The following COPZ1 variants were observed in gnomAD, a reference collection of about 807,000 sequenced individuals.
The protein encoded by COPZ1 is coatomer subunit zeta-1.
Under a neutral mutation model 31.7 loss-of-function variants are expected in COPZ1, and 4 were observed. The observed-to-expected ratio is 0.13, with a 90% CI of 0.06 to 0.29. The LOEUF (loss-of-function observed/expected upper bound fraction) is 0.29. Among genes scored for constraint, COPZ1 ranks in the 10% least tolerant of loss-of-function variants. The pLI, the probability that COPZ1 is intolerant of heterozygous loss-of-function variation, is 1.00. For missense variants in COPZ1, 156 were observed against 211.5 expected (o/e 0.74, Z 1.63); for synonymous variants, 74 against 79.0 (o/e 0.94, Z 0.33).
intron 1 of COPZ1, among the ~76,000 whole-genome samples, chr12:54,331,419 T>G (rs1187384618): frequency 2.0e-5 from 3 of 152,072 alleles, no homozygotes; most frequent in Non-Finnish European, 4.4e-5. Context: ...GACCTTGTGA[T>G]CCACATGCCT....
chr12:54,327,938 G>A (rs1953684096), intron 1 of COPZ1, among the ~76,000 whole-genome samples: 1 of 151,932 alleles, frequency 6.6e-6, no homozygotes, highest in South Asian at 2.1e-4. Flanking sequence ...TTAACAATGG[G>A]CCTGTGTGTA....
chr12:54,342,265 C>T lies in COPZ1; in HGVS notation c.147C>T (p.Phe49=). 6.2e-7 allele frequency: 1 copy of T among 1,613,922 alleles called. No homozygotes were observed. The highest frequency in any genetic ancestry group is 8.5e-7 in the Non-Finnish European group (1 of 1,179,806). ...AAAAGGCCTTTGAGAAGAACATTTT[C>T]AACAAGACCCATCGGACTGACAGTA... The part of the protein sequence containing the change: ...KEQKAFEKNI[F]NKTHRTDSEI... Residue 49 remains phenylalanine, a synonymous_variant, in exon 3 of 9, where the codon TTC becomes TTT. Coordinates refer to ENST00000262061, the MANE Select transcript of COPZ1 (RefSeq NM_016057.3).
At chr12:54,349,778 C>A in intron 8 of COPZ1, 120 bp downstream of exon 8, 1 of 879,462 alleles carries the variant, frequency 1.1e-6, no homozygotes, top group Non-Finnish European at 1.9e-6. Flanking sequence ...TCTTCCTTGG[C>A]TCCCTCTTAT....
intron 1 of COPZ1, chr12:54,340,276 C>T (rs959727555): frequency 2.0e-6 from 1 of 497,072 alleles, no homozygotes; most frequent in Non-Finnish European, 3.5e-6. Context: ...AACAGCATGA[C>T]CTCTCTTGAT....
chr12:54,329,866 G>A (rs566205405), intron 1 of COPZ1, among the ~76,000 whole-genome samples: 1 of 152,324 alleles, frequency 6.6e-6, no homozygotes, highest in African/African-American at 2.4e-5. Context: ...AAAGGTTGAT[G>A]TTGCTCCTTG....
intron 1 of COPZ1, among the ~76,000 whole-genome samples, chr12:54,337,669 T>C (rs1953897510): frequency 6.6e-6 from 1 of 152,202 alleles, no homozygotes; most frequent in Non-Finnish European, 1.5e-5. Flanking sequence ...GCTCCAGCTG[T>C]AGCAGAATGG....
At chr12:54,336,013 A>T (rs1380388978) in intron 1 of COPZ1, among the ~76,000 whole-genome samples, 4 of 152,130 alleles carry the variant, frequency 2.6e-5, no homozygotes, top group African/African-American at 9.6e-5. Context: ...AGCTCTGTAG[A>T]TGGCATCCTG....
chr12:54,342,505 G>C, intron 3 of COPZ1: 1 of 560,088 alleles, frequency 1.8e-6, no homozygotes, highest in Non-Finnish European at 3.2e-6. Context: ...TACCTGTCTA[G>C]TCCCTGGATT....
intron 1 of COPZ1, among the ~76,000 whole-genome samples, chr12:54,326,091 GATTA>G (rs1330004953): frequency 6.7e-6 from 1 of 148,456 alleles, no homozygotes; most frequent in African/African-American, 2.5e-5. Flanking sequence ...AAAGTGCTAG[GATTA>G]CAGGCTTGAA....
intron 1 of COPZ1, among the ~76,000 whole-genome samples, chr12:54,333,126 C>A (rs1953787253): frequency 6.6e-6 from 1 of 152,130 alleles, no homozygotes; most frequent in Non-Finnish European, 1.5e-5. Flanking sequence ...TCACTGCAAT[C>A]TCCATCTCCG....
chr12:54,332,172 AT>A (rs1358164264), intron 1 of COPZ1, among the ~76,000 whole-genome samples: 1 of 151,930 alleles, frequency 6.6e-6, no homozygotes, highest in African/African-American at 2.4e-5. Flanking sequence ...AAATACAAAA[AT>A]TAGCCGGTCA....
chr12:54,325,752 A>AT (rs1357793947), intron 1 of COPZ1: 1 of 145,992 alleles, frequency 6.8e-6, no homozygotes, highest in African/African-American at 2.6e-5. Context: ...ATTGTGGAAT[A>AT]TTTTTTCTAG....
intron 1 of COPZ1, among the ~76,000 whole-genome samples, chr12:54,326,883 G>A (rs557803786): frequency 2.1e-4 from 31 of 147,662 alleles, no homozygotes; most frequent in Non-Finnish European, 4.0e-4. Context: ...TCCTTATGTC[G>A]GTTGGTCAAA....
chr12:54,332,261 G>A (rs1333334582), intron 1 of COPZ1, among the ~76,000 whole-genome samples: 1 of 151,878 alleles, frequency 6.6e-6, no homozygotes, highest in Non-Finnish European at 1.5e-5. Context: ...GGCGGAGGTT[G>A]CAGTGAGCCA....
intron 1 of COPZ1, chr12:54,325,553 AT>A (rs1953615208): frequency 5.1e-6 from 1 of 196,814 alleles, no homozygotes; most frequent in Admixed American, 5.3e-5. Flanking sequence ...TAAGAAAAGA[AT>A]ACAGATGTTT....
intron 7 of COPZ1, among the ~76,000 whole-genome samples, chr12:54,349,014 G>C (rs913034852): frequency 2.6e-5 from 4 of 152,162 alleles, no homozygotes; most frequent in Non-Finnish European, 5.9e-5. Context: ...CCTCCACAGA[G>C]TGAAGGCTGA....
chr12:54,348,840 G>A (rs950854143), intron 7 of COPZ1, among the ~76,000 whole-genome samples: 2 of 152,138 alleles, frequency 1.3e-5, no homozygotes, highest in African/African-American at 4.8e-5. Flanking sequence ...AGTCCTCTTT[G>A]GTGCTGGTGA....
intron 1 of COPZ1, among the ~76,000 whole-genome samples, chr12:54,326,961 C>CTTTTTTTTTTTTTTTTTTTTTTTTTTTTT (rs60827109): frequency 4.6e-5 from 2 of 43,564 alleles, no homozygotes; most frequent in Non-Finnish European, 4.4e-5. Context: ...AACAAGTATT[C>CTTTTTTTTTTTTTTTTTTTTTTTTTTTTT]TTTTTTTTTT....
chr12:54,330,901 A>G lies in COPZ1; in HGVS notation c.18+5720A>G, dbSNP rs571167095. On this transcript the variant is annotated intron_variant, in intron 1 of 8. Transcript: ENST00000262061. ...AGTGCCCAGGGGACAGCTGATGAAGATGGATTCAGAGAATGAGTCCATGCA... is the reference window on the plus strand; with the variant it reads ...AGTGCCCAGGGGACAGCTGATGAAGGTGGATTCAGAGAATGAGTCCATGCA... Among the ~76,000 whole-genome samples the G allele has an allele frequency of 1.1e-4, 16 of 152,290 alleles. No individual in the cohort carries two copies. In the South Asian group the frequency reaches 2.9e-3, roughly 28 times the overall value.
Sources: allele counts gnomAD v4.1 joint callset (sites outside exome capture counted in the v4.1 genomes callset), GRCh38; gene constraint gnomAD v4.1.1; transcripts MANE v1.5; gene names NCBI Gene and HGNC (gene_info 2026-07-23, HGNC 2026-07-21).